Variants in ACTR10 observed in about 807,000 individuals in gnomAD.
ACTR10 encodes actin-related protein 10.
ACTR10 carries 43 observed loss-of-function variants against 56.2 expected under a neutral mutation model. The observed-to-expected ratio is 0.77, with a 90% CI of 0.60 to 0.99. The LOEUF (loss-of-function observed/expected upper bound fraction) is 0.99. ACTR10 is among the 50% of genes least tolerant of loss of function. The pLI, the probability that ACTR10 is intolerant of heterozygous loss-of-function variation, is 0.00. For synonymous variants in ACTR10, 170 were observed against 176.3 expected, an observed-to-expected ratio of 0.96 and a Z score of 0.28; for missense variants, 466 against 507.8, an observed-to-expected ratio of 0.92 and a Z score of 0.79.
intron 7 of ACTR10, among the ~76,000 whole-genome samples, chr14:58,217,558 C>T (rs891356378): frequency 2.0e-5 from 3 of 151,366 alleles, no homozygotes; most frequent in South Asian, 2.1e-4. Flanking sequence ...CCCAGCTACT[C>T]GGGAGGCTGA....
intron 1 of ACTR10, among the ~76,000 whole-genome samples, chr14:58,202,363 C>T (rs1369370416): frequency 6.6e-6 from 1 of 151,150 alleles, no homozygotes; most frequent in Admixed American, 6.6e-5. Flanking sequence ...GGGCGGGTCA[C>T]GAGGTCAGGA....
chr14:58,231,000 G>A lies in ACTR10; in HGVS notation c.870+520G>A, dbSNP rs538854953. 421 of 255,904 alleles carry A rather than the reference G, an allele frequency of 1.6e-3. 4 individuals are homozygous for A. The highest frequency in any genetic ancestry group is 6.7e-3 in the African/African-American group (292 of 43,660). The allele number at this position is 255,904 out of a possible 1,614,324, so 15.9% of individuals were successfully genotyped here. ...TCTTGAACTCCTGACCTTGTGATCC[G>A]CCCGCCTCGGCCTCCCAAAGTGCTG... is the stretch of plus-strand genomic sequence containing the variant. On this transcript the variant is annotated intron_variant, in intron 11 of 12. Coordinates refer to ENST00000254286, the MANE Select transcript of ACTR10 (RefSeq NM_018477.3).
intron 11 of ACTR10, chr14:58,231,124 G>A: frequency 3.1e-6 from 1 of 327,502 alleles, no homozygotes; most frequent in Non-Finnish European, 6.5e-6. Context: ...CATGATCTCA[G>A]CTCAGCACAA....
chr14:58,215,940 G>C (rs1037372596), intron 7 of ACTR10, among the ~76,000 whole-genome samples: 1 of 149,924 alleles, frequency 6.7e-6, no homozygotes, highest in Non-Finnish European at 1.5e-5. Flanking sequence ...CAATTCTTCA[G>C]AAATCTCTTT....
chr14:58,211,251 A>C, intron 4 of ACTR10, 41 bp from the exon 5 acceptor site: 448 of 1,094,706 alleles, frequency 4.1e-4, no homozygotes, highest in Non-Finnish European at 5.6e-4. Context: ...AAATAATGAC[A>C]CTCATTCCGG....
At chr14:58,202,703 T>C in intron 1 of ACTR10, 152 bp from the exon 2 acceptor site, 1 of 504,966 alleles carries the variant, frequency 2.0e-6, no homozygotes, top group Non-Finnish European at 3.5e-6. Context: ...ATTAGTTTTG[T>C]GGAGTGATTT....
chr14:58,215,841 A>G (rs956689524), intron 7 of ACTR10, among the ~76,000 whole-genome samples: 3 of 152,124 alleles, frequency 2.0e-5, no homozygotes, highest in African/African-American at 7.2e-5. Flanking sequence ...AAGTGAATAC[A>G]TTATGTCTTT....
At chr14:58,213,228 C>G (rs1269108431) in intron 5 of ACTR10, 1 of 155,088 alleles carries the variant, frequency 6.4e-6, no homozygotes, top group Non-Finnish European at 1.4e-5. Flanking sequence ...TTCCAATATT[C>G]CATCAATACA....
At position 58,234,639 on chromosome 14, in the gene ACTR10, T is replaced by C. The variant is rs1400934913; in HGVS notation, c.*88T>C. ...ACAAAGTATGTAGGATGTTTTGTTA[T>C]AGAGGACTATAGTGGAAGTGAAAGC... On this transcript the variant is annotated 3_prime_UTR_variant, in exon 13 of 13. Transcript: ENST00000254286. 5 of 1,222,112 alleles carry C rather than the reference T, an allele frequency of 4.1e-6. No individual in the cohort carries two copies. The highest frequency in any genetic ancestry group is 5.6e-6 in the Non-Finnish European group (5 of 886,440). The allele number at this position is 1,222,112 out of a possible 1,614,324, so 75.7% of individuals were successfully genotyped here.
At position 58,208,124 on chromosome 14, in the gene ACTR10, C is replaced by T. The variant is rs933170369; in HGVS notation, c.233+106C>T. The T allele has an allele frequency of 8.7e-6, 8 of 924,150 alleles. No individual in the cohort carries two copies. In the African/African-American group the frequency reaches 1.2e-4, roughly 14 times the overall value. 57.2% of individuals were successfully genotyped at this position (924,150 alleles called of 1,614,324 possible). On this transcript the variant is annotated intron_variant, in intron 3 of 12. Coordinates refer to ENST00000254286, the MANE Select transcript of ACTR10 (RefSeq NM_018477.3). ...TGAGGCCAAAAAAAAAAAAAATGGA[C>T]TTCTATTGCCATTTTTACATGCTTA...
At chr14:58,212,123 G>A (rs1221415132) in intron 5 of ACTR10, among the ~76,000 whole-genome samples, 2 of 151,856 alleles carry the variant, frequency 1.3e-5, no homozygotes, top group African/African-American at 2.4e-5. Flanking sequence ...TAATCTCTTC[G>A]GGCCTCAGTT....
chr14:58,205,806 GAGGCC>G (rs1888844734), intron 2 of ACTR10, among the ~76,000 whole-genome samples: 1 of 152,058 alleles, frequency 6.6e-6, no homozygotes, highest in Non-Finnish European at 1.5e-5. Flanking sequence ...CAGATCACTT[GAGGCC>G]AGGAGTTTGA....
intron 2 of ACTR10, among the ~76,000 whole-genome samples, chr14:58,206,429 C>T (rs369696888): frequency 7.9e-5 from 12 of 152,256 alleles, no homozygotes; most frequent in African/African-American, 1.7e-4. Flanking sequence ...GTGATCCACC[C>T]GCCTTGACCT....
At chr14:58,200,799 A>T (rs1442262641) in intron 1 of ACTR10, among the ~76,000 whole-genome samples, 1 of 152,234 alleles carries the variant, frequency 6.6e-6, no homozygotes, top group Non-Finnish European at 1.5e-5. Flanking sequence ...CCCTATAGAT[A>T]AGATTCTGGA....
At chr14:58,226,115 T>A (rs78137942) in intron 10 of ACTR10, among the ~76,000 whole-genome samples, 1 of 152,012 alleles carries the variant, frequency 6.6e-6, no homozygotes, top group Non-Finnish European at 1.5e-5. Context: ...AATTTTTTTT[T>A]AATTAGCCAG....
chr14:58,229,921 A>T (rs943416890), intron 10 of ACTR10, among the ~76,000 whole-genome samples: 2 of 152,098 alleles, frequency 1.3e-5, no homozygotes, highest in Non-Finnish European at 2.9e-5. Flanking sequence ...TTGAGATTAA[A>T]CTGGAAAATG....
At chr14:58,208,626 A>G (rs1888922241) in intron 3 of ACTR10, among the ~76,000 whole-genome samples, 3 of 151,944 alleles carry the variant, frequency 2.0e-5, no homozygotes, top group African/African-American at 7.2e-5. Context: ...GGTTGAGATC[A>G]GGGGATGGCT....
intron 8 of ACTR10, among the ~76,000 whole-genome samples, chr14:58,222,796 G>C (rs1265028634): frequency 6.9e-6 from 1 of 145,274 alleles, no homozygotes; most frequent in South Asian, 2.2e-4. Flanking sequence ...AATTGGCGTT[G>C]TGTTCTGACC....
chr14:58,207,612 A>G (rs962213904), intron 2 of ACTR10, among the ~76,000 whole-genome samples: 2 of 152,310 alleles, frequency 1.3e-5, no homozygotes, highest in African/African-American at 4.8e-5. Context: ...GGCATGAGCC[A>G]CCACACCTGG....
Sources: allele counts gnomAD v4.1 joint callset (sites outside exome capture counted in the v4.1 genomes callset), GRCh38; gene constraint gnomAD v4.1.1; transcripts MANE v1.5; gene names NCBI Gene and HGNC (gene_info 2026-07-23, HGNC 2026-07-21).